PIK3C2B: variants seen among roughly 807,000 people sequenced by gnomAD.
PIK3C2B encodes phosphatidylinositol 4-phosphate 3-kinase C2 domain-containing subunit beta.
A neutral mutation model predicts 184.3 loss-of-function variants in PIK3C2B; 83 were observed. The ratio of observed to expected loss-of-function variants is 0.45; its 90% confidence interval spans 0.38 to 0.54. The LOEUF is 0.54. Among genes scored for constraint, PIK3C2B ranks in the 20% least tolerant of loss-of-function variants. The probability of loss-of-function intolerance (pLI) is 0.00; values close to 1 mark genes in which losing one functional copy is unlikely to be tolerated. For missense variants in PIK3C2B, 1,736 were observed against 2,113.5 expected, an observed-to-expected ratio of 0.82 and a Z score of 3.50; for synonymous variants, 779 against 837.6, an observed-to-expected ratio of 0.93 and a Z score of 1.21.
At chr1:204,492,675 C>G (rs909351290) in intron 1 of PIK3C2B, among the ~76,000 whole-genome samples, 11 of 152,292 alleles carry the variant, frequency 7.2e-5, no homozygotes, top group African/African-American at 2.6e-4. Flanking sequence ...AGGAGCTCCC[C>G]CAGAAACAGC....
intron 16 of PIK3C2B, 84 bp from the exon 17 acceptor site, chr1:204,444,508 C>CAGA: frequency 1.1e-6 from 1 of 945,206 alleles, no homozygotes; most frequent in Non-Finnish European, 1.7e-6. Flanking sequence ...ACCTGGGCTT[C>CAGA]AGAGGCATGG....
At chr1:204,431,962 G>C (rs1572284688) in intron 27 of PIK3C2B, among the ~76,000 whole-genome samples, 169 bp from the exon 28 acceptor site, 1 of 152,290 alleles carries the variant, frequency 6.6e-6, no homozygotes, top group African/African-American at 2.4e-5. Context: ...TCTAAAAGCA[G>C]ACTTCCCACA....
chr1:204,449,134 T>G, intron 14 of PIK3C2B, 51 bp downstream of exon 14: 1 of 1,274,042 alleles, frequency 7.8e-7, no homozygotes. Flanking sequence ...AAATGTAGAG[T>G]TGACTGGAAT....
chr1:204,459,729 A>G (rs1384290488), intron 8 of PIK3C2B, 149 bp downstream of exon 8: 5 of 674,252 alleles, frequency 7.4e-6, no homozygotes, highest in Middle Eastern at 8.0e-4. Context: ...TAGTTTGCCC[A>G]TGAGCGAGGG....
Position 204,426,793 on chromosome 1 carries a change from A to G in PIK3C2B, c.4587+855T>C, listed in dbSNP as rs139614611. 6.4e-3 allele frequency among the ~76,000 whole-genome samples: 969 copies of G among 152,258 alleles called. 15 individuals are homozygous for G. The highest frequency in any genetic ancestry group is 0.022 in the African/African-American group (902 of 41,544). ...TCCTCCTGCCATATCCCACTGCCCC[A>G]ACCTACATAAAATGCCTAACATAGG... On this transcript the variant is annotated intron_variant, in intron 31 of 32. Transcript: ENST00000684373.
intron 1 of PIK3C2B, among the ~76,000 whole-genome samples, chr1:204,481,040 T>C (rs1373767203): frequency 6.6e-6 from 1 of 151,930 alleles, no homozygotes; most frequent in Non-Finnish European, 1.5e-5. Context: ...ACAAACCATG[T>C]GTAACCCCCA....
chr1:204,428,327 A>AAC, intron 29 of PIK3C2B, 107 bp from the exon 30 acceptor site: 1 of 680,550 alleles, frequency 1.5e-6, no homozygotes, highest in Non-Finnish European at 2.6e-6. Context: ...TATAACAACC[A>AAC]ACAACATGCA....
chr1:204,431,629 C>T (rs2103469122), intron 28 of PIK3C2B, 40 bp downstream of exon 28: 20 of 1,612,660 alleles, frequency 1.2e-5, no homozygotes, highest in Non-Finnish European at 1.7e-5. Context: ...TTTCCCCCTC[C>T]CCGACATCCC....
intron 28 of PIK3C2B, 155 bp downstream of exon 28, chr1:204,431,514 C>G: frequency 1.2e-6 from 1 of 851,230 alleles, no homozygotes; most frequent in Non-Finnish European, 1.9e-6. Context: ...GCAGGGGGAG[C>G]ACTTGTCATC....
At chr1:204,469,980 T>A (rs1656167141) in intron 1 of PIK3C2B, 94 bp from the exon 2 acceptor site, 1 of 589,844 alleles carries the variant, frequency 1.7e-6, no homozygotes, top group Admixed American at 3.1e-5. Flanking sequence ...TCTGGGCCAG[T>A]GCCTGCTTCT....
At chr1:204,425,209 C>T (rs867992262) in intron 32 of PIK3C2B, among the ~76,000 whole-genome samples, 169 bp from the exon 33 acceptor site, 21 of 152,120 alleles carry the variant, frequency 1.4e-4, no homozygotes, top group Non-Finnish European at 2.6e-4. Flanking sequence ...TACACAGACT[C>T]CAAGGGAAGC....
chr1:204,425,109 G>C (rs1015155820), intron 32 of PIK3C2B, 69 bp from the exon 33 acceptor site: 1 of 1,312,022 alleles, frequency 7.6e-7, no homozygotes, highest in East Asian at 2.4e-5. Context: ...GGGAACCCGA[G>C]AGGGAGATGG....
chr1:204,481,268 C>CTTTTT (rs59090154), intron 1 of PIK3C2B, among the ~76,000 whole-genome samples: 2 of 118,762 alleles, frequency 1.7e-5, no homozygotes, highest in African/African-American at 6.6e-5. Flanking sequence ...AGGTCACATT[C>CTTTTT]TTTTTTTTTT....
chr1:204,459,189 G>C (rs527309914), intron 8 of PIK3C2B, among the ~76,000 whole-genome samples: 62 of 152,272 alleles, frequency 4.1e-4, no homozygotes, highest in Middle Eastern at 3.4e-3. Context: ...GCTAACTTTT[G>C]TATTTTTTGT....
At chr1:204,456,404 A>G (rs1056430002) in intron 10 of PIK3C2B, 2 of 178,668 alleles carry the variant, frequency 1.1e-5, no homozygotes, top group African/African-American at 2.4e-5. Flanking sequence ...AAGGCTGCCA[A>G]TTCTCTCTTG....
rs182266638 is a variant in PIK3C2B at position 204,446,823 on chromosome 1, C to T, written c.2489+613G>A. ...ATGAGCCCCATCTCTCTCATGCCCC[C>T]ACACACACAACACACGCACAGGGCT... On this transcript the variant is annotated intron_variant, in intron 15 of 32. Transcript: ENST00000684373. 9.2e-5 allele frequency among the ~76,000 whole-genome samples: 14 copies of T among 152,214 alleles called. No individual in the cohort carries two copies. The East Asian group carries it at 1.4e-3, about 15-fold the overall frequency.
At chr1:204,468,774 G>T in intron 2 of PIK3C2B, 96 bp downstream of exon 2, 1 of 1,138,778 alleles carries the variant, frequency 8.8e-7, no homozygotes, top group Non-Finnish European at 1.2e-6. Context: ...AAGGGGTAAG[G>T]ACTTGGCAGA....
intron 28 of PIK3C2B, 110 bp downstream of exon 28, chr1:204,431,559 G>A (rs939461612): frequency 1.3e-5 from 18 of 1,354,368 alleles, no homozygotes; most frequent in Non-Finnish European, 1.8e-5. Flanking sequence ...GCAGGCAGAT[G>A]TTTAGTCCAA....
chr1:204,456,917 C>T (rs1021943962), intron 10 of PIK3C2B, 120 bp downstream of exon 10: 2 of 195,750 alleles, frequency 1.0e-5, no homozygotes, highest in African/African-American at 4.7e-5. Context: ...CCCACACACA[C>T]ACACACACCA....
Sources: gnomAD v4.1 joint callset for allele counts (sites outside exome capture counted in the v4.1 genomes callset) on GRCh38, gnomAD v4.1.1 for gene constraint, MANE v1.5 for transcripts, NCBI Gene and HGNC (gene_info 2026-07-23, HGNC 2026-07-21) for gene names.